CERT1: variants seen among roughly 807,000 people sequenced by gnomAD.
The protein encoded by CERT1 is ceramide transfer protein.
Under a neutral mutation model 87.9 loss-of-function variants are expected in CERT1, and 31 were observed. The observed-to-expected ratio is 0.35, with a 90% confidence interval of 0.27 to 0.48. CERT1 has a LOEUF of 0.48. Ranked by LOEUF, CERT1 falls within the 20% of genes least tolerant of loss-of-function variation. The pLI is 0.99. For missense variants in CERT1, 487 were observed against 758.0 expected (o/e 0.64, Z 4.20); for synonymous variants, 289 against 250.9 (o/e 1.15, Z -1.44).
chr5:75,452,618 A>C (rs1764810918), intron 3 of CERT1, among the ~76,000 whole-genome samples: 1 of 152,144 alleles, frequency 6.6e-6, no homozygotes, highest in Non-Finnish European at 1.5e-5. Flanking sequence ...ATAGCATCAA[A>C]AGTGGTTTAT....
At chr5:75,489,353 TA>T (rs1214975287) in intron 2 of CERT1, among the ~76,000 whole-genome samples, 2 of 152,166 alleles carry the variant, frequency 1.3e-5, no homozygotes, top group Non-Finnish European at 2.9e-5. Context: ...GCTTCATGAC[TA>T]AAACACCAAA....
chr5:75,505,970 A>C lies in CERT1; in HGVS notation c.231+12T>G. 6.2e-7 allele frequency: 1 copy of C among 1,609,964 alleles called. No homozygotes were observed. The highest frequency in any genetic ancestry group is 8.5e-7 in the Non-Finnish European group (1 of 1,176,814). On this transcript the variant is annotated intron_variant, in intron 2 of 16. Transcript: ENST00000643780. ...ATAAATATTTGTTGAATGAAGAAGA[A>C]AAGGAACTTACTGTGATGACAGCCT...
At chr5:75,442,786 G>A (rs1041373468) in intron 3 of CERT1, among the ~76,000 whole-genome samples, 2 of 152,028 alleles carry the variant, frequency 1.3e-5, no homozygotes, top group African/African-American at 2.4e-5. Flanking sequence ...GGGAGAGAAC[G>A]GAAAAGAGAG....
Position 75,415,489 on chromosome 5 carries a change from C to A in CERT1, c.837+1387G>T, listed in dbSNP as rs146081125. ...TAAGATTAACAATGCTGAAAGCAATCAAAAATCTATCTCCCCTTTTCAACA... is the reference window on the plus strand; with the variant it reads ...TAAGATTAACAATGCTGAAAGCAATAAAAAATCTATCTCCCCTTTTCAACA... On this transcript the variant is annotated intron_variant, in intron 7 of 16. Coordinates refer to ENST00000643780, the MANE Select transcript of CERT1 (RefSeq NM_001379029.1). 1.1e-3 allele frequency among the ~76,000 whole-genome samples: 171 copies of A among 152,148 alleles called. 1 individual carries two copies. The East Asian group carries it at 0.027, about 24-fold the overall frequency.
intron 8 of CERT1, among the ~76,000 whole-genome samples, chr5:75,409,484 G>A (rs1010823106): frequency 6.6e-6 from 1 of 152,038 alleles, no homozygotes; most frequent in East Asian, 1.9e-4. Flanking sequence ...CACCTCAGTG[G>A]TACTCCTTGA....
rs1364645655 is a variant in CERT1, at chr5:75,509,956, A to AAAT, written c.96+1153_96+1155dup. Among the ~76,000 whole-genome samples the AAAT allele has an allele frequency of 2.0e-5, 3 of 152,342 alleles. No homozygotes were observed. In the South Asian group the frequency reaches 6.2e-4, roughly 32 times the overall value. On this transcript the variant is annotated intron_variant, in intron 1 of 16. Transcript: ENST00000643780. ...ATACAACATAATTTTGCTGCTATAC[A>AAAT]AATAAAAGTCAACACTTGCAATCCT...
At chr5:75,455,043 G>A (rs114227258) in intron 3 of CERT1, among the ~76,000 whole-genome samples, 129 of 152,186 alleles carry the variant, frequency 8.5e-4, no homozygotes, top group South Asian at 2.7e-3. Flanking sequence ...GTCTGCTGCC[G>A]GTCTGAACCA....
intron 5 of CERT1, among the ~76,000 whole-genome samples, chr5:75,425,077 C>T (rs1763553141): frequency 6.6e-6 from 1 of 151,730 alleles, no homozygotes; most frequent in African/African-American, 2.4e-5. Flanking sequence ...ATGATCGCGC[C>T]ACTGCACTCC....
intron 3 of CERT1, among the ~76,000 whole-genome samples, chr5:75,453,761 CCATT>C (rs773853957): frequency 4.6e-5 from 7 of 152,194 alleles, no homozygotes; most frequent in South Asian, 2.1e-4. Context: ...ATCACTATCA[CCATT>C]ATTATTGTTT....
chr5:75,473,323 T>C (rs987606423), intron 2 of CERT1, among the ~76,000 whole-genome samples: 1 of 152,138 alleles, frequency 6.6e-6, no homozygotes, highest in Non-Finnish European at 1.5e-5. Context: ...TGGCTTCAAG[T>C]GATCCTCCAG....
intron 5 of CERT1, among the ~76,000 whole-genome samples, chr5:75,423,596 C>A (rs780960955): frequency 6.6e-6 from 1 of 152,062 alleles, no homozygotes; most frequent in Non-Finnish European, 1.5e-5. Flanking sequence ...TAAAAATTAA[C>A]CAGATATGAC....
At chr5:75,462,556 T>C (rs1765277177) in intron 2 of CERT1, among the ~76,000 whole-genome samples, 1 of 152,066 alleles carries the variant, frequency 6.6e-6, no homozygotes, top group Non-Finnish European at 1.5e-5. Flanking sequence ...TACTGGTCTG[T>C]GGCCCAGGGT....
At position 75,389,791 on chromosome 5, in the gene CERT1, A is replaced by G. The variant is rs1761957314; in HGVS notation, c.1189-104T>C. The G allele has an allele frequency of 3.7e-6, 3 of 819,370 alleles. No homozygotes were observed. The Admixed American group carries it at 6.4e-5, about 17-fold the overall frequency. 50.8% of individuals were successfully genotyped at this position (819,370 alleles called of 1,614,324 possible). A position where few individuals can be genotyped will look rare whatever the true frequency, so the allele number is the denominator to read the frequency against. On this transcript the variant is annotated intron_variant, in intron 11 of 16. Coordinates refer to ENST00000643780, the MANE Select transcript of CERT1 (RefSeq NM_001379029.1). ...TCAGTTCAGAAATGGTGCTCTTAGTAGCTGAGCAACCAAATGCACAAAGGT... is the reference window on the plus strand; with the variant it reads ...TCAGTTCAGAAATGGTGCTCTTAGTGGCTGAGCAACCAAATGCACAAAGGT...
intron 2 of CERT1, among the ~76,000 whole-genome samples, chr5:75,492,292 G>A (rs1281854422): frequency 1.3e-5 from 2 of 152,192 alleles, no homozygotes; most frequent in Non-Finnish European, 2.9e-5. Context: ...GAGCCCAGGA[G>A]GTCAAGGTGG....
At position 75,402,695 on chromosome 5, in the gene CERT1, G is replaced by A. The variant is rs569464467; in HGVS notation, c.1017+277C>T. 121 of 219,490 alleles carry A rather than the reference G, an allele frequency of 5.5e-4. 2 individuals are homozygous for A. The Middle Eastern group carries it at 7.4e-3, about 13-fold the overall frequency. The allele number at this position is 219,490 out of a possible 1,614,324, so 13.6% of individuals were successfully genotyped here. On this transcript the variant is annotated intron_variant, in intron 9 of 16. Coordinates refer to ENST00000643780, the MANE Select transcript of CERT1 (RefSeq NM_001379029.1). ...CGCACCTGTAGTCCCAGCTACTCGG[G>A]AGGCTGAGGCAGAAGAATCGCTTGA...
Position 75,511,379 on chromosome 5 carries a change from C to T in CERT1, c.-172G>A. 1 of 1,546,782 alleles carries T rather than the reference C, an allele frequency of 6.5e-7. No homozygotes were observed. The highest frequency in any genetic ancestry group is 8.7e-7 in the Non-Finnish European group (1 of 1,145,864). On this transcript the variant is annotated 5_prime_UTR_variant, in exon 1 of 17. Transcript: ENST00000643780. ...TCCGCCCGCCGCGCCGCCGCCGCGC[C>T]TGACACCGAGCGGAGCGAGGAAGGA...
intron 2 of CERT1, among the ~76,000 whole-genome samples, chr5:75,488,781 T>G (rs1766643129): frequency 6.6e-6 from 1 of 152,232 alleles, no homozygotes; most frequent in Admixed American, 6.5e-5. Context: ...ACAGTTTTAC[T>G]GTTCACAGTT....
intron 4 of CERT1, among the ~76,000 whole-genome samples, 187 bp from the exon 5 acceptor site, chr5:75,425,686 T>C (rs953897950): frequency 6.6e-6 from 1 of 152,236 alleles, no homozygotes; most frequent in Non-Finnish European, 1.5e-5. Context: ...ATTGGCTTGA[T>C]AGCGATAAGC....
chr5:75,390,970 T>A (rs1762006910), intron 11 of CERT1, among the ~76,000 whole-genome samples: 1 of 147,614 alleles, frequency 6.8e-6, no homozygotes, highest in Non-Finnish European at 1.5e-5. Flanking sequence ...TGCCTAACAT[T>A]TTTTTTTTTT....
Sources: gnomAD v4.1 joint callset for allele counts (sites outside exome capture counted in the v4.1 genomes callset) on GRCh38, gnomAD v4.1.1 for gene constraint, MANE v1.5 for transcripts, NCBI Gene and HGNC (gene_info 2026-07-23, HGNC 2026-07-21) for gene names.